OLFML1: variants seen among roughly 807,000 people sequenced by gnomAD.
The protein encoded by OLFML1 is olfactomedin like 1.
In OLFML1, 33 loss-of-function variants were observed where a neutral mutation model predicts 37.3. The observed-to-expected ratio is 0.88, with a 90% CI of 0.67 to 1.18. The LOEUF (loss-of-function observed/expected upper bound fraction) is 1.18, where lower values mean the gene tolerates loss of function less well. OLFML1 is among the 50% of genes most tolerant of loss of function. The pLI is 0.00. For missense variants in OLFML1, 545 were observed against 483.7 expected (o/e 1.13, Z -1.19); for synonymous variants, 186 against 181.3 (o/e 1.03, Z -0.21).
rs1487970205 is a variant in OLFML1, at chr11:7,510,288, C to T, written c.*100C>T. 1.8e-5 allele frequency: 17 copies of T among 938,270 alleles called. No individual in the cohort carries two copies. Among genetic ancestry groups the T allele is most frequent in the Middle Eastern group, 3.1e-4 (1 of 3,194 alleles). The allele number at this position is 938,270 out of a possible 1,614,324, so 58.1% of individuals were successfully genotyped here. Reference sequence around the variant, plus strand: ...ACAATATAGTATCCCTCTAATCACACACAGGAAGAGTGTGTAGAAGTGGAA... The same window carrying T: ...ACAATATAGTATCCCTCTAATCACATACAGGAAGAGTGTGTAGAAGTGGAA... On this transcript the variant is annotated 3_prime_UTR_variant, in exon 3 of 3. Coordinates refer to ENST00000329293, the MANE Select transcript of OLFML1 (RefSeq NM_198474.4).
chr11:7,493,494 A>T (rs1848626243), intron 2 of OLFML1, among the ~76,000 whole-genome samples: 1 of 152,250 alleles, frequency 6.6e-6, no homozygotes, highest in Admixed American at 6.5e-5. Flanking sequence ...GTATAAATGC[A>T]GGTGTAAGTA....
intron 2 of OLFML1, among the ~76,000 whole-genome samples, chr11:7,499,061 AC>A (rs1372877524): frequency 3.3e-5 from 5 of 152,232 alleles, no homozygotes; most frequent in Non-Finnish European, 7.3e-5. Context: ...AATAAGTCTC[AC>A]CAGATTTGGA....
At chr11:7,507,612 G>A (rs1190363320) in intron 2 of OLFML1, among the ~76,000 whole-genome samples, 7 of 151,230 alleles carry the variant, frequency 4.6e-5, no homozygotes, top group Non-Finnish European at 7.4e-5. Context: ...GCAGTGGCAT[G>A]ATCTTGGCTC....
Position 7,509,604 on chromosome 11 carries a change from C to G in OLFML1, c.625C>G (p.Leu209Val). The change falls in exon 3 of 3, where the codon CTA (leucine) becomes GTA (valine). Residue 209 changes from leucine to valine, a missense_variant. Coordinates refer to ENST00000329293, the MANE Select transcript of OLFML1 (RefSeq NM_198474.4). ...NTKPAPRKQI[L>V]TLSWQGTGQV... Reference sequence around the variant, plus strand: ...CAAGCCAGCTCCCCGGAAGCAAATCCTAACACTTTCCTGGCAGGGAACAGG... The same window carrying G: ...CAAGCCAGCTCCCCGGAAGCAAATCGTAACACTTTCCTGGCAGGGAACAGG... 6.2e-7 allele frequency: 1 copy of G among 1,614,190 alleles called. No homozygotes were observed. The highest frequency in any genetic ancestry group is 1.1e-5 in the South Asian group (1 of 91,084).
chr11:7,496,638 C>T (rs1487979264), intron 2 of OLFML1, among the ~76,000 whole-genome samples: 2 of 151,834 alleles, frequency 1.3e-5, no homozygotes, highest in Non-Finnish European at 1.5e-5. Context: ...TATACACAGG[C>T]AAATGGCAGT....
At chr11:7,495,949 AC>A (rs1322493799) in intron 2 of OLFML1, among the ~76,000 whole-genome samples, 1 of 152,086 alleles carries the variant, frequency 6.6e-6, no homozygotes. Flanking sequence ...CACAGTCTCC[AC>A]CCTGCCCTGT....
chr11:7,510,020 A>C lies in OLFML1; in HGVS notation c.1041A>C (p.Pro347=). Residue 347 remains proline (P), a synonymous_variant, in exon 3 of 3, where the codon CCA becomes CCC. Transcript: ENST00000329293. ...ATCGCATCACCTGCATCTATGATCCACTGGGCACTATCAGTGAGGAGGACT... is the reference window on the plus strand; with the variant it reads ...ATCGCATCACCTGCATCTATGATCCCCTGGGCACTATCAGTGAGGAGGACT... The part of the protein sequence containing the change: ...GPHRITCIYD[P]LGTISEEDLP... 1 of 1,614,260 alleles carries C rather than the reference A, an allele frequency of 6.2e-7. No homozygotes were observed. Among genetic ancestry groups the C allele is most frequent in the Non-Finnish European group, 8.5e-7 (1 of 1,180,048 alleles).
intron 2 of OLFML1, among the ~76,000 whole-genome samples, chr11:7,499,438 C>T (rs990816796): frequency 1.3e-5 from 2 of 152,236 alleles, no homozygotes; most frequent in Non-Finnish European, 1.5e-5. Context: ...TACCCTTTTA[C>T]TTGAACACTG....
intron 2 of OLFML1, chr11:7,489,039 G>C (rs1255673946): frequency 6.6e-6 from 1 of 152,180 alleles, no homozygotes; most frequent in Non-Finnish European, 1.5e-5. Context: ...CTGTGCCCGA[G>C]TCTATTTCAT....
rs202028931 is a variant in OLFML1, at chr11:7,492,824, CTT to C, written c.418+4410_418+4411del. Among the ~76,000 whole-genome samples the C allele has an allele frequency of 8.5e-3, 1,297 of 152,264 alleles. 10 individuals are homozygous for C. The highest frequency in any genetic ancestry group is 0.012 in the Admixed American group (187 of 15,300). ...TGAACACTATTTGAATATAATCTAA[CTT>C]ATATTTTAAAATTATTCCAAGTCTT... On this transcript the variant is annotated intron_variant, in intron 2 of 2. Coordinates refer to ENST00000329293, the MANE Select transcript of OLFML1 (RefSeq NM_198474.4).
chr11:7,509,622 G>A lies in OLFML1; in HGVS notation c.643G>A (p.Gly215Arg), dbSNP rs1215985545. Residue 215 changes from glycine to arginine, a missense_variant, in exon 3 of 3, where the codon GGA becomes AGA. Transcript: ENST00000329293. ...RKQILTLSWQ[G>R]TGQVIYKGFL... Reference sequence around the variant, plus strand: ...GCAAATCCTAACACTTTCCTGGCAGGGAACAGGCCAAGTGATCTACAAAGG... The same window carrying A: ...GCAAATCCTAACACTTTCCTGGCAGAGAACAGGCCAAGTGATCTACAAAGG... 6.2e-7 allele frequency: 1 copy of A among 1,614,142 alleles called. No individual in the cohort carries two copies. Among genetic ancestry groups the A allele is most frequent in the Non-Finnish European group, 8.5e-7 (1 of 1,180,014 alleles).
chr11:7,496,836 C>G (rs1014954007), intron 2 of OLFML1, among the ~76,000 whole-genome samples: 1 of 152,026 alleles, frequency 6.6e-6, no homozygotes, highest in Non-Finnish European at 1.5e-5. Flanking sequence ...AAGTGGAAAC[C>G]GATCAGAAAT....
chr11:7,489,682 A>C (rs1246903030), intron 2 of OLFML1, among the ~76,000 whole-genome samples: 2 of 152,186 alleles, frequency 1.3e-5, no homozygotes, highest in African/African-American at 4.8e-5. Flanking sequence ...GGGACAGAGA[A>C]CAGGTGGATT....
intron 2 of OLFML1, among the ~76,000 whole-genome samples, 195 bp from the exon 3 acceptor site, chr11:7,509,203 T>C (rs996899280): frequency 1.3e-4 from 20 of 152,230 alleles, no homozygotes; most frequent in African/African-American, 3.1e-4. Flanking sequence ...TGCATGCCTA[T>C]GTTGCATTTT....
At chr11:7,499,058 C>T (rs1380326726) in intron 2 of OLFML1, among the ~76,000 whole-genome samples, 1 of 152,180 alleles carries the variant, frequency 6.6e-6, no homozygotes, top group Non-Finnish European at 1.5e-5. Flanking sequence ...AGGAATAAGT[C>T]TCACCAGATT....
rs1307976679 is a variant in OLFML1 at position 7,509,927 on chromosome 11, T to C, written c.948T>C (p.Asp316=). Residue 316 remains aspartate (D), a synonymous_variant, in exon 3 of 3, where the codon GAT becomes GAC. Coordinates refer to ENST00000329293, the MANE Select transcript of OLFML1 (RefSeq NM_198474.4). ...HSWDTPCRSQ[D]AEASFLLCGV... ...GGGATACCCCATGCAGAAGCCAGGATGCTGAAGCCTCATTCCTCTTGTGTG... is the reference window on the plus strand; with the variant it reads ...GGGATACCCCATGCAGAAGCCAGGACGCTGAAGCCTCATTCCTCTTGTGTG... The C allele has an allele frequency of 6.2e-7, 1 of 1,614,238 alleles. No homozygotes were observed. Among genetic ancestry groups the C allele is most frequent in the Non-Finnish European group, 8.5e-7 (1 of 1,180,042 alleles).
intron 2 of OLFML1, among the ~76,000 whole-genome samples, chr11:7,494,372 CCA>C (rs1385935880): frequency 6.6e-6 from 1 of 152,208 alleles, no homozygotes; most frequent in Non-Finnish European, 1.5e-5. Flanking sequence ...GTATTATGTA[CCA>C]CACATAATCC....
intron 1 of OLFML1, among the ~76,000 whole-genome samples, chr11:7,486,395 T>C (rs1338427956): frequency 1.3e-5 from 2 of 152,254 alleles, no homozygotes; most frequent in African/African-American, 4.8e-5. Context: ...TTAAAAATGT[T>C]GGTTACTTTT....
chr11:7,494,853 T>C (rs977048296), intron 2 of OLFML1, among the ~76,000 whole-genome samples: 1 of 152,212 alleles, frequency 6.6e-6, no homozygotes, highest in Non-Finnish European at 1.5e-5. Context: ...GAAGACCATG[T>C]TAGTTTTCTA....
Sources: allele counts gnomAD v4.1 joint callset (sites outside exome capture counted in the v4.1 genomes callset), GRCh38; gene constraint gnomAD v4.1.1; transcripts MANE v1.5; gene names NCBI Gene and HGNC (gene_info 2026-07-23, HGNC 2026-07-21).